UNKL: variants seen among roughly 807,000 people sequenced by gnomAD.
UNKL encodes putative E3 ubiquitin-protein ligase UNKL.
Under a neutral mutation model 78.0 loss-of-function variants are expected in UNKL, and 60 were observed. The ratio of observed to expected loss-of-function variants is 0.77; its 90% CI spans 0.63 to 0.95. The LOEUF (loss-of-function observed/expected upper bound fraction) is 0.95. Among genes scored for constraint, UNKL ranks in the 40% least tolerant of loss-of-function variants. The probability of loss-of-function intolerance (pLI) is 0.00; values close to 1 mark genes in which losing one functional copy is unlikely to be tolerated. For missense variants in UNKL, 1,159 were observed against 1,045.7 expected, an observed-to-expected ratio of 1.11 and a Z score of -1.49; for synonymous variants, 608 against 474.8, an observed-to-expected ratio of 1.28 and a Z score of -3.65.
chr16:1,414,607 G>A lies in UNKL; in HGVS notation c.77+8C>T, dbSNP rs1389586037. ...GGGCGGGGGGCCGCAGGCCGGACGG[G>A]CGCTGACCTGTAGTGGGTCGGCTTC... On this transcript the variant is annotated splice_region_variant and intron_variant, in intron 1 of 14. Coordinates refer to ENST00000389221, the MANE Select transcript of UNKL (RefSeq NM_001372107.1). 1.6e-5 allele frequency: 17 copies of A among 1,061,554 alleles called. No homozygotes were observed. Among genetic ancestry groups the A allele is most frequent in the Admixed American group, 5.3e-5 (1 of 18,868 alleles). 65.8% of individuals were successfully genotyped at this position (1,061,554 alleles called of 1,614,324 possible).
chr16:1,403,055 G>A lies in UNKL; in HGVS notation c.464+113C>T. On this transcript the variant is annotated intron_variant, in intron 3 of 14. Coordinates refer to ENST00000389221, the MANE Select transcript of UNKL (RefSeq NM_001372107.1). The surrounding 1 kb of genome is among the most constrained non-coding windows in gnomAD (Gnocchi z 4.8). ...AGAAATTCTGGAGGAGAGAGATTTG[G>A]GCCAGCAGAGCCTGCAGCAGCAGGG... 1.6e-6 allele frequency: 2 copies of A among 1,287,146 alleles called. No homozygotes were observed. The highest frequency in any genetic ancestry group is 1.0e-6 in the Non-Finnish European group (1 of 960,060). The allele number at this position is 1,287,146 out of a possible 1,614,324, so 79.7% of individuals were successfully genotyped here. A position where few individuals can be genotyped will look rare whatever the true frequency, so the allele number is the denominator to read the frequency against.
Position 1,367,638 on chromosome 16 carries a change from GC to G in UNKL, c.1788+17del, listed in dbSNP as rs754697456. On this transcript the variant is annotated intron_variant, in intron 13 of 14. Coordinates refer to ENST00000389221, the MANE Select transcript of UNKL (RefSeq NM_001372107.1). ...GCCCTCCCTCCCCCTCACCTGTCTG[GC>G]CCCCCCACACACTCACCTGCTTCAC... 428 of 1,519,910 alleles carry G rather than the reference GC, an allele frequency of 2.8e-4. No homozygotes were observed. Among genetic ancestry groups the G allele is most frequent in the Admixed American group, 6.4e-4 (32 of 49,718 alleles). The allele number at this position is 1,519,910 out of a possible 1,614,324, so 94.2% of individuals were successfully genotyped here.
chr16:1,405,913 C>A (rs1310548188), intron 2 of UNKL: 1 of 456,380 alleles, frequency 2.2e-6, no homozygotes, highest in Non-Finnish European at 4.4e-6. Context: ...CACCTGAACC[C>A]AAGGAGGGTC....
At chr16:1,370,892 GCTA>G (rs1363030852) in intron 11 of UNKL, among the ~76,000 whole-genome samples, 1 of 152,130 alleles carries the variant, frequency 6.6e-6, no homozygotes, top group East Asian at 1.9e-4. Context: ...GACCATCCTG[GCTA>G]ACATGGTGAA....
rs1453390621 is a variant in UNKL, at chr16:1,364,198, C to T, written c.*2042G>A. ...AAAAACAAAATAGATTCACTGAAACCAAGTCGATAGTTACCTTGGAGTAGT... is the reference window on the plus strand; with the variant it reads ...AAAAACAAAATAGATTCACTGAAACTAAGTCGATAGTTACCTTGGAGTAGT... On this transcript the variant is annotated 3_prime_UTR_variant, in exon 15 of 15. Transcript: ENST00000389221. 1 of 152,176 alleles carries T rather than the reference C, an allele frequency of 6.6e-6. No homozygotes were observed. Among genetic ancestry groups the T allele is most frequent in the African/African-American group, 2.4e-5 (1 of 41,430 alleles). The allele number at this position is 152,176 out of a possible 1,614,324, so 9.4% of individuals were successfully genotyped here. A position where few individuals can be genotyped will look rare whatever the true frequency, so the allele number is the denominator to read the frequency against.
chr16:1,382,830 C>T lies in UNKL; in HGVS notation c.1264+2378G>A, dbSNP rs188629878. The stretch of plus-strand genomic sequence containing the variant: ...AAAAACGGCCAGGTGTGGTGGCAGG[C>T]GCCTATAGTCCCAGCTACTCAGGAG... On this transcript the variant is annotated intron_variant, in intron 10 of 14. Transcript: ENST00000389221. Among the ~76,000 whole-genome samples, 580 of 152,018 alleles carry T rather than the reference C, an allele frequency of 3.8e-3. 1 individual carries two copies. Among genetic ancestry groups the T allele is most frequent in the South Asian group, 8.5e-3 (41 of 4,810 alleles).
chr16:1,413,645 T>A (rs992391284), intron 2 of UNKL, among the ~76,000 whole-genome samples: 8 of 152,204 alleles, frequency 5.3e-5, no homozygotes, highest in Non-Finnish European at 7.3e-5. Flanking sequence ...AAAACACACA[T>A]AATCCCTCGG....
At chr16:1,369,981 G>C (rs1257002101) in intron 12 of UNKL, 149 bp downstream of exon 12, 1 of 1,550,632 alleles carries the variant, frequency 6.4e-7, no homozygotes, top group Non-Finnish European at 8.7e-7. Context: ...TCTGCGGCGT[G>C]GGGGAACCTG....
At chr16:1,370,835 G>T (rs935060839) in intron 11 of UNKL, among the ~76,000 whole-genome samples, 1 of 152,252 alleles carries the variant, frequency 6.6e-6, no homozygotes, top group Admixed American at 6.5e-5. Flanking sequence ...TGTAATCCCA[G>T]CACTTTGGGA....
At chr16:1,398,353 A>T (rs987603622) in intron 5 of UNKL, 1 of 1,024,588 alleles carries the variant, frequency 9.8e-7, no homozygotes, top group African/African-American at 1.7e-5. Flanking sequence ...TATGGGACAC[A>T]TTAAGTGCCT....
At chr16:1,379,703 C>A (rs896131965) in intron 10 of UNKL, 23 of 983,718 alleles carry the variant, frequency 2.3e-5, no homozygotes, top group East Asian at 2.3e-4. Flanking sequence ...CGCCCCGCCC[C>A]CTCCGCGCTG....
intron 4 of UNKL, among the ~76,000 whole-genome samples, chr16:1,401,073 G>A (rs927170222): frequency 3.3e-5 from 5 of 152,046 alleles, no homozygotes; most frequent in Middle Eastern, 3.2e-3. Context: ...CCCCAGCCCC[G>A]AGGGACAGCC....
rs2037314694 is a variant in UNKL, at chr16:1,397,308, A to T, written c.735-13T>A. On this transcript the variant is annotated splice_polypyrimidine_tract_variant and intron_variant, in intron 5 of 14. Transcript: ENST00000389221. The stretch of plus-strand genomic sequence containing the variant: ...GCAGGGCGTGGACCTGGGGATGAGG[A>T]GGTGTCAGGGGGACACAGAGGACTT... 1.3e-6 allele frequency: 1 copy of T among 758,184 alleles called. No homozygotes were observed. Among genetic ancestry groups the T allele is most frequent in the Non-Finnish European group, 1.8e-6 (1 of 552,530 alleles). 47.0% of individuals were successfully genotyped at this position (758,184 alleles called of 1,614,324 possible).
intron 10 of UNKL, among the ~76,000 whole-genome samples, chr16:1,375,398 G>A (rs968927251): frequency 9.9e-5 from 15 of 152,166 alleles, no homozygotes; most frequent in African/African-American, 3.4e-4. Flanking sequence ...CGCACAGCAC[G>A]ACCCAGACTC....
chr16:1,366,946 G>A lies in UNKL; in HGVS notation c.2046+146C>T, dbSNP rs1019916647. 60 of 1,330,040 alleles carry A rather than the reference G, an allele frequency of 4.5e-5. No homozygotes were observed. In the African/African-American group the frequency reaches 7.6e-4, roughly 17 times the overall value. The allele number at this position is 1,330,040 out of a possible 1,614,324, so 82.4% of individuals were successfully genotyped here. On this transcript the variant is annotated intron_variant, in intron 14 of 14. Transcript: ENST00000389221. The stretch of plus-strand genomic sequence containing the variant: ...AGGCCACAGGGGGCTGTGCTGGGGT[G>A]GGGCACCGTCTCCTCCTCCCTAGGC...
intron 12 of UNKL, among the ~76,000 whole-genome samples, chr16:1,368,667 G>C (rs1319821172): frequency 6.8e-6 from 1 of 147,732 alleles, no homozygotes; most frequent in Non-Finnish European, 1.5e-5. Flanking sequence ...TTGGGAGGTC[G>C]AGGCCAGCAG....
Position 1,403,035 on chromosome 16 carries a change from T to C in UNKL, c.464+133A>G. 2 of 1,163,260 alleles carry C rather than the reference T, an allele frequency of 1.7e-6. No individual in the cohort carries two copies. The highest frequency in any genetic ancestry group is 2.3e-6 in the Non-Finnish European group (2 of 853,112). 72.1% of individuals were successfully genotyped at this position (1,163,260 alleles called of 1,614,324 possible). ...ACTAACATCCAGACTCAGAAAGAAATTCTGGAGGAGAGAGATTTGGGCCAG... is the reference window on the plus strand; with the variant it reads ...ACTAACATCCAGACTCAGAAAGAAACTCTGGAGGAGAGAGATTTGGGCCAG... On this transcript the variant is annotated intron_variant, in intron 3 of 14. Coordinates refer to ENST00000389221, the MANE Select transcript of UNKL (RefSeq NM_001372107.1). The surrounding 1 kb of genome is among the most constrained non-coding windows in gnomAD (Gnocchi z 4.8).
At chr16:1,379,687 G>A (rs970611751) in intron 10 of UNKL, 22 of 983,750 alleles carry the variant, frequency 2.2e-5, no homozygotes, top group African/African-American at 2.1e-4. Flanking sequence ...ATTCAAACCC[G>A]GCCCGCGCCC....
intron 7 of UNKL, among the ~76,000 whole-genome samples, chr16:1,393,755 C>T (rs2037145904): frequency 6.6e-6 from 1 of 152,204 alleles, no homozygotes; most frequent in African/African-American, 2.4e-5. Context: ...AGATGGCAGT[C>T]TCGGAGCAAG....
Sources: allele counts gnomAD v4.1 joint callset (sites outside exome capture counted in the v4.1 genomes callset), GRCh38; gene constraint gnomAD v4.1.1; non-coding constraint Gnocchi (gnomAD v3.1); transcripts MANE v1.5; gene names NCBI Gene and HGNC (gene_info 2026-07-23, HGNC 2026-07-21).